The following EXOC2 variants were observed in gnomAD, a reference collection of about 807,000 sequenced individuals.
EXOC2 encodes exocyst complex component 2, also known as SEC5-like 1.
In EXOC2, 70 loss-of-function variants were observed where a neutral mutation model predicts 131.8. The observed-to-expected ratio is 0.53, with a 90% CI of 0.44 to 0.65. EXOC2 has a LOEUF of 0.65. Ranked by LOEUF, EXOC2 falls within the 30% of genes least tolerant of loss-of-function variation. The probability of loss-of-function intolerance (pLI) is 0.00; values close to 1 mark genes in which losing one functional copy is unlikely to be tolerated. For synonymous variants in EXOC2, 411 were observed against 398.4 expected (o/e 1.03, Z -0.38); for missense variants, 923 against 1,108.6 (o/e 0.83, Z 2.38).
chr6:514,164 C>T (rs561868033), intron 23 of EXOC2, among the ~76,000 whole-genome samples: 10 of 152,180 alleles, frequency 6.6e-5, no homozygotes, highest in Admixed American at 1.3e-4. Flanking sequence ...TCTTCCAGGC[C>T]GACAAGTAAC....
At chr6:507,047 CACACAG>C (rs1245376939) in intron 23 of EXOC2, among the ~76,000 whole-genome samples, 21 of 150,170 alleles carry the variant, frequency 1.4e-4, no homozygotes, top group Admixed American at 1.1e-3. Flanking sequence ...CACACACACA[CACACAG>C]AGCAGTGATC....
Position 548,520 on chromosome 6 carries a change from A to G in EXOC2, c.2238+655T>C, listed in dbSNP as rs536859890. Among the ~76,000 whole-genome samples the G allele has an allele frequency of 9.8e-5, 15 of 152,346 alleles. No individual in the cohort carries two copies. The East Asian group carries it at 2.9e-3, about 29-fold the overall frequency. On this transcript the variant is annotated intron_variant, in intron 22 of 27. Coordinates refer to ENST00000230449, the MANE Select transcript of EXOC2 (RefSeq NM_018303.6). ...CTTAGTTGAAAAAAATATAAACAAC[A>G]AAGTGTAACATTAAAAAGAAAACTC... is the stretch of plus-strand genomic sequence containing the variant.
chr6:614,649 A>G (rs1015725949), intron 6 of EXOC2, among the ~76,000 whole-genome samples: 1 of 152,230 alleles, frequency 6.6e-6, no homozygotes, highest in Non-Finnish European at 1.5e-5. Flanking sequence ...CAAAAGTGAC[A>G]AAGTAAATAC....
intron 5 of EXOC2, among the ~76,000 whole-genome samples, chr6:619,178 G>T (rs1177067428): frequency 6.6e-6 from 1 of 152,094 alleles, no homozygotes; most frequent in Non-Finnish European, 1.5e-5. Flanking sequence ...TTAATAACCT[G>T]CATCAATAAT....
At chr6:620,982 C>T (rs1278379199) in intron 4 of EXOC2, among the ~76,000 whole-genome samples, 1 of 152,100 alleles carries the variant, frequency 6.6e-6, no homozygotes, top group Non-Finnish European at 1.5e-5. Flanking sequence ...TGGAGGACTC[C>T]TCCAGCCATG....
rs1463639974 is a variant in EXOC2 at position 576,716 on chromosome 6, C to T, written c.1318+41G>A. The T allele has an allele frequency of 2.5e-6, 4 of 1,600,844 alleles. No individual in the cohort carries two copies. The East Asian group carries it at 9.0e-5, about 36-fold the overall frequency. Reference sequence around the variant, plus strand: ...AAGAATGTTTGAAATTACACGAGTACAAATTTAAAAGACCCAGTGGCAGTG... The same window carrying T: ...AAGAATGTTTGAAATTACACGAGTATAAATTTAAAAGACCCAGTGGCAGTG... On this transcript the variant is annotated intron_variant, in intron 12 of 27. Transcript: ENST00000230449.
chr6:561,681 G>A (rs1350366384), intron 17 of EXOC2, among the ~76,000 whole-genome samples: 3 of 152,126 alleles, frequency 2.0e-5, no homozygotes, highest in Non-Finnish European at 4.4e-5. Flanking sequence ...TGCCTCCTGG[G>A]TTCAAGTGAT....
intron 13 of EXOC2, among the ~76,000 whole-genome samples, chr6:565,270 T>C (rs1008556525): frequency 6.6e-6 from 1 of 152,236 alleles, no homozygotes; most frequent in African/African-American, 2.4e-5. Flanking sequence ...ACGACAACAC[T>C]GTCAACATCA....
Position 638,935 on chromosome 6 carries a change from T to G in EXOC2, c.-43-1074A>C, listed in dbSNP as rs1372279456. Among the ~76,000 whole-genome samples, 5 of 133,270 alleles carry G rather than the reference T, an allele frequency of 3.8e-5. No homozygotes were observed. The Admixed American group carries it at 3.9e-4, about 11-fold the overall frequency. The allele number at this position is 133,270 out of a possible 152,430, so 87.4% of individuals were successfully genotyped here. A position where few individuals can be genotyped will look rare whatever the true frequency, so the allele number is the denominator to read the frequency against. On this transcript the variant is annotated intron_variant, in intron 1 of 27. Coordinates refer to ENST00000230449, the MANE Select transcript of EXOC2 (RefSeq NM_018303.6). ...CAGAGTGAGACTCTATCTCAAATAATAATAAAAATAATAAAATTTTACTAA... is the reference window on the plus strand; with the variant it reads ...CAGAGTGAGACTCTATCTCAAATAAGAATAAAAATAATAAAATTTTACTAA...
At position 556,517 on chromosome 6, in the gene EXOC2, C is replaced by T; in HGVS notation, c.1899G>A (p.Lys633=). 6.2e-7 allele frequency: 1 copy of T among 1,614,158 alleles called. No homozygotes were observed. Among genetic ancestry groups the T allele is most frequent in the Non-Finnish European group, 8.5e-7 (1 of 1,180,014 alleles). The change falls in exon 18 of 28, where the codon AAG becomes AAA. Residue 633 remains lysine (K), a synonymous_variant. Transcript: ENST00000230449. ...CTCCCGGCTTGCACTCCAGAACCCC[C>T]TTCAGTGACTGCAGAGAACACACGA... is the stretch of plus-strand genomic sequence containing the variant. ...QCIVCSLQSL[K]GVLECKPGEA...
At chr6:552,873 C>A (rs1327123572) in intron 21 of EXOC2, among the ~76,000 whole-genome samples, 1 of 152,072 alleles carries the variant, frequency 6.6e-6, no homozygotes, top group African/African-American at 2.4e-5. Context: ...CACACACACA[C>A]ACACACCCCC....
chr6:620,891 G>A (rs1761255966), intron 4 of EXOC2, among the ~76,000 whole-genome samples: 1 of 152,232 alleles, frequency 6.6e-6, no homozygotes, highest in Non-Finnish European at 1.5e-5. Context: ...TACTGCCATA[G>A]GTGGTCTGTG....
At chr6:568,043 G>A (rs111841531) in intron 13 of EXOC2, among the ~76,000 whole-genome samples, 167 of 152,302 alleles carry the variant, frequency 1.1e-3, no homozygotes, top group African/African-American at 3.8e-3. Context: ...ACACTGCTGC[G>A]GAGCCCAGCA....
intron 1 of EXOC2, chr6:656,119 G>A (rs1244539747): frequency 1.2e-6 from 2 of 1,602,286 alleles, no homozygotes; most frequent in East Asian, 2.2e-5. Context: ...TACAAGGCAG[G>A]AATGAAATAC....
intron 6 of EXOC2, among the ~76,000 whole-genome samples, chr6:610,917 G>A (rs1342744116): frequency 6.6e-6 from 1 of 152,172 alleles, no homozygotes; most frequent in African/African-American, 2.4e-5. Flanking sequence ...GAGTATATTT[G>A]GGGAAGAACC....
chr6:573,322 T>C (rs1210167533), intron 12 of EXOC2, among the ~76,000 whole-genome samples: 1 of 152,116 alleles, frequency 6.6e-6, no homozygotes, highest in Non-Finnish European at 1.5e-5. Context: ...GTGTAGAAAT[T>C]CAGGACCCAC....
chr6:684,120 G>A (rs1209816520), intron 1 of EXOC2, among the ~76,000 whole-genome samples: 1 of 152,154 alleles, frequency 6.6e-6, no homozygotes, highest in African/African-American at 2.4e-5. Flanking sequence ...GAACTCCCTC[G>A]CACGCAACAT....
chr6:669,902 T>C (rs1763787715), intron 1 of EXOC2: 1 of 152,338 alleles, frequency 6.6e-6, no homozygotes, highest in African/African-American at 2.4e-5. Context: ...GGGTCCCTCA[T>C]GATTTCCTCT....
intron 21 of EXOC2, among the ~76,000 whole-genome samples, chr6:551,587 A>T (rs568367215): frequency 2.5e-4 from 38 of 152,214 alleles, no homozygotes; most frequent in Middle Eastern, 3.4e-3. Context: ...GAGGCACAAG[A>T]GCAGGACCAC....
Sources: gnomAD v4.1 joint callset for allele counts (sites outside exome capture counted in the v4.1 genomes callset) on GRCh38, gnomAD v4.1.1 for gene constraint, MANE v1.5 for transcripts, NCBI Gene and HGNC (gene_info 2026-07-23, HGNC 2026-07-21) for gene names.